The following AHDC1 variants were observed in gnomAD, a reference collection of about 807,000 sequenced individuals.
AHDC1 encodes the protein transcription factor Gibbin.
In AHDC1, 7 loss-of-function variants were observed where a neutral mutation model predicts 87.9. That is an observed-to-expected ratio of 0.08 (90% CI 0.05 to 0.15). The LOEUF (loss-of-function observed/expected upper bound fraction) is 0.15, where lower values mean the gene tolerates loss of function less well. Among genes scored for constraint, AHDC1 ranks in the 10% least tolerant of loss-of-function variants. The probability of loss-of-function intolerance (pLI) is 1.00; values close to 1 mark genes in which losing one functional copy is unlikely to be tolerated. For synonymous variants in AHDC1, 1,051 were observed against 1,006.8 expected (o/e 1.04, Z -0.83); for missense variants, 1,841 against 2,253.2 (o/e 0.82, Z 3.70).
chr1:27,596,452 C>T (rs897918599), intron 3 of AHDC1, among the ~76,000 whole-genome samples: 2 of 152,042 alleles, frequency 1.3e-5, no homozygotes, highest in Admixed American at 6.5e-5. Context: ...AGGACAGGGG[C>T]GGGTATGTCT....
rs148105551 is a variant in AHDC1, at chr1:27,560,693, C to T, written c.-628-1810G>A. Among the ~76,000 whole-genome samples the T allele has an allele frequency of 5.3e-3, 805 of 152,164 alleles. 5 individuals carry two copies. Among genetic ancestry groups the T allele is most frequent in the Non-Finnish European group, 8.7e-3 (590 of 68,008 alleles). ...TGTGTCTGTGTACCACAGCGTGTCT[C>T]TGTGTATGTCAGTGGGTCCTTGTGC... On this transcript the variant is annotated intron_variant, in intron 3 of 8. Transcript: ENST00000673934. This position sits in a 1 kb window ranked among gnomAD's most constrained non-coding sequence, Gnocchi z 4.1.
chr1:27,600,055 C>G (rs547264848), intron 3 of AHDC1, among the ~76,000 whole-genome samples: 17 of 151,998 alleles, frequency 1.1e-4, no homozygotes, highest in Admixed American at 1.0e-3. Flanking sequence ...TCTTGGTCCC[C>G]GGCCCCCACC....
At chr1:27,539,220 G>C (rs1300059063) in intron 8 of AHDC1, among the ~76,000 whole-genome samples, 1 of 149,102 alleles carries the variant, frequency 6.7e-6, no homozygotes, top group Non-Finnish European at 1.5e-5. Flanking sequence ...GGTCACCGCA[G>C]CCTCAAACTC....
intron 3 of AHDC1, among the ~76,000 whole-genome samples, chr1:27,564,437 C>T (rs2020233637): frequency 6.6e-6 from 1 of 152,258 alleles, no homozygotes; most frequent in African/African-American, 2.4e-5. Context: ...TCTTCCTCAT[C>T]TGTACAAAAG....
rs2089342404 is a variant in AHDC1 at position 27,595,431 on chromosome 1, T to C, written c.-629+7966A>G. On this transcript the variant is annotated intron_variant, in intron 3 of 8. Coordinates refer to ENST00000673934, the MANE Select transcript of AHDC1 (RefSeq NM_001371928.1). This position sits in a 1 kb window ranked among gnomAD's most constrained non-coding sequence, Gnocchi z 4.0. ...GTGTTGGGGTTGGATAGGGGGTTGA[T>C]ATGCTGAGGGTGTGATAGCTGTGTG... Among the ~76,000 whole-genome samples the C allele has an allele frequency of 6.7e-6, 1 of 149,038 alleles. No homozygotes were observed. Among genetic ancestry groups the C allele is most frequent in the African/African-American group, 2.6e-5 (1 of 39,032 alleles).
chr1:27,551,003 G>T lies in AHDC1; in HGVS notation c.1113C>A (p.His371Gln). 6.4e-7 allele frequency: 1 copy of T among 1,571,658 alleles called. No individual in the cohort carries two copies. The highest frequency in any genetic ancestry group is 8.6e-7 in the Non-Finnish European group (1 of 1,165,628). ...EPLRLDLCSPHGPPGPEGHPK... is the reference protein window; with the variant it reads ...EPLRLDLCSPQGPPGPEGHPK... ...GGTGACCCTCAGGCCCGGGGGGGCCGTGCGGTGAGCACAAGTCCAGGCGCA... is the reference window on the plus strand; with the variant it reads ...GGTGACCCTCAGGCCCGGGGGGGCCTTGCGGTGAGCACAAGTCCAGGCGCA... The change falls in exon 8 of 9, where the codon CAC becomes CAA. Residue 371 changes from histidine to glutamine, a missense_variant. Around this residue, in one of 13 missense-constraint regions of AHDC1, gnomAD observed 370 missense variants for 391.5 expected, o/e 0.95. Coordinates refer to ENST00000673934, the MANE Select transcript of AHDC1 (RefSeq NM_001371928.1).
chr1:27,551,848 G>A lies in AHDC1; in HGVS notation c.268C>T (p.Arg90Cys), dbSNP rs776449449. 13 of 1,610,210 alleles carry A rather than the reference G, an allele frequency of 8.1e-6. No homozygotes were observed. Among genetic ancestry groups the A allele is most frequent in the African/African-American group, 4.0e-5 (3 of 74,760 alleles). The change falls in exon 8 of 9, where the codon CGT (arginine) becomes TGT (cysteine). Residue 90 changes from arginine to cysteine, a missense_variant. Transcript: ENST00000673934. ...GDDPLPPRAA[R>C]PVSQARCPTP... ...GGGCAGCGGGCCTGTGAGACAGGAC[G>A]GGCTGCCCGTGGGGGCAGCGGGTCG...
rs1165577257 is a variant in AHDC1, at chr1:27,595,406, G to A, written c.-629+7991C>T. On this transcript the variant is annotated intron_variant, in intron 3 of 8. Transcript: ENST00000673934. The surrounding 1 kb of genome is among the most constrained non-coding windows in gnomAD (Gnocchi z 4.0). Reference sequence around the variant, plus strand: ...AGCTGGGTCCTGGGTGTATCTGGCAGTGTTGGGGTTGGATAGGGGGTTGAT... The same window carrying A: ...AGCTGGGTCCTGGGTGTATCTGGCAATGTTGGGGTTGGATAGGGGGTTGAT... Among the ~76,000 whole-genome samples, 1 of 151,178 alleles carries A rather than the reference G, an allele frequency of 6.6e-6. No homozygotes were observed. The highest frequency in any genetic ancestry group is 1.9e-4 in the East Asian group (1 of 5,178).
intron 3 of AHDC1, among the ~76,000 whole-genome samples, chr1:27,584,828 T>C (rs1207769218): frequency 6.6e-6 from 1 of 152,044 alleles, no homozygotes; most frequent in Non-Finnish European, 1.5e-5. Context: ...TCCCCAGAGA[T>C]GCCTTATCCC....
At chr1:27,557,305 C>T (rs1315125954) in intron 5 of AHDC1, among the ~76,000 whole-genome samples, 3 of 150,016 alleles carry the variant, frequency 2.0e-5, no homozygotes, top group Non-Finnish European at 4.5e-5. Context: ...AGACTCCCGT[C>T]CTTGTCTTTC....
At chr1:27,585,057 C>T (rs777484078) in intron 3 of AHDC1, among the ~76,000 whole-genome samples, 1 of 151,802 alleles carries the variant, frequency 6.6e-6, no homozygotes, top group Non-Finnish European at 1.5e-5. Context: ...CCTGTAATCC[C>T]AGCTACTTGG....
chr1:27,551,045 G>A lies in AHDC1; in HGVS notation c.1071C>T (p.Cys357=), dbSNP rs1292202128. 1 of 1,558,712 alleles carries A rather than the reference G, an allele frequency of 6.4e-7. No homozygotes were observed. Among genetic ancestry groups the A allele is most frequent in the Admixed American group, 1.9e-5 (1 of 52,224 alleles). ...RLEPQQPLGH[C]PLAEPLRLDL... ...CCAGGCGCAAGGGCTCGGCCAGTGGGCAGTGCCCCAGGGGCTGCTGGGGCT... is the reference window on the plus strand; with the variant it reads ...CCAGGCGCAAGGGCTCGGCCAGTGGACAGTGCCCCAGGGGCTGCTGGGGCT... The change falls in exon 8 of 9, where the codon TGC becomes TGT. Residue 357 remains cysteine (C), a synonymous_variant. Transcript: ENST00000673934.
At chr1:27,543,645 C>A (rs553482320) in intron 8 of AHDC1, among the ~76,000 whole-genome samples, 2 of 152,250 alleles carry the variant, frequency 1.3e-5, no homozygotes, top group East Asian at 3.9e-4. Flanking sequence ...TCAGACCCAG[C>A]AAGAGTTGTG....
At chr1:27,586,490 G>A (rs968883003) in intron 3 of AHDC1, among the ~76,000 whole-genome samples, 4 of 152,166 alleles carry the variant, frequency 2.6e-5, no homozygotes, top group Admixed American at 6.5e-5. Context: ...GCGATTACCC[G>A]TCATTAATTA....
chr1:27,599,793 GCA>G (rs2089481525), intron 3 of AHDC1, among the ~76,000 whole-genome samples: 1 of 152,084 alleles, frequency 6.6e-6, no homozygotes, highest in Admixed American at 6.5e-5. Flanking sequence ...TCTGTTCCAG[GCA>G]TTTGGGGAGG....
intron 8 of AHDC1, among the ~76,000 whole-genome samples, chr1:27,538,239 A>C (rs546267263): frequency 1.3e-5 from 2 of 151,612 alleles, no homozygotes; most frequent in Non-Finnish European, 2.9e-5. Flanking sequence ...CCGTCTCTAC[A>C]AAAAATACAA....
At chr1:27,577,050 A>G (rs1226761562) in intron 3 of AHDC1, among the ~76,000 whole-genome samples, 1 of 152,176 alleles carries the variant, frequency 6.6e-6, no homozygotes, top group Non-Finnish European at 1.5e-5. Context: ...CAAAGCCAGC[A>G]GCTTCAGACA....
At position 27,549,552 on chromosome 1, in the gene AHDC1, A is replaced by T. The variant is rs750659583; in HGVS notation, c.2564T>A (p.Phe855Tyr). ...CTCTGGGCGAGAGGCTGAGAGGGCAAAGTCCAAGAGATCGGAGGAGTCATC... is the reference window on the plus strand; with the variant it reads ...CTCTGGGCGAGAGGCTGAGAGGGCATAGTCCAAGAGATCGGAGGAGTCATC... Reference protein sequence around the residue: ...DSDDSSDLLDFALSASRPESR... With the variant: ...DSDDSSDLLDYALSASRPESR... Residue 855 changes from phenylalanine to tyrosine, a missense_variant, in exon 8 of 9, where the codon TTT becomes TAT. Around this residue, in one of 13 missense-constraint regions of AHDC1, gnomAD observed 378 missense variants for 399.0 expected, o/e 0.95. Coordinates refer to ENST00000673934, the MANE Select transcript of AHDC1 (RefSeq NM_001371928.1). 1 of 1,613,224 alleles carries T rather than the reference A, an allele frequency of 6.2e-7. No homozygotes were observed. Among genetic ancestry groups the T allele is most frequent in the South Asian group, 1.1e-5 (1 of 91,092 alleles).
At chr1:27,559,505 G>A (rs2019972565) in intron 3 of AHDC1, among the ~76,000 whole-genome samples, 1 of 152,196 alleles carries the variant, frequency 6.6e-6, no homozygotes, top group African/African-American at 2.4e-5. Context: ...TCATAACTGT[G>A]TGACTCTGGG....
Sources: allele counts gnomAD v4.1 joint callset (sites outside exome capture counted in the v4.1 genomes callset), GRCh38; gene constraint gnomAD v4.1.1; regional missense constraint gnomAD v4.1.1; non-coding constraint Gnocchi (gnomAD v3.1); transcripts MANE v1.5; gene names NCBI Gene and HGNC (gene_info 2026-07-23, HGNC 2026-07-21).